DCLRE1A: variants seen among roughly 807,000 people sequenced by gnomAD.
The protein encoded by DCLRE1A is DNA cross-link repair 1A.
A neutral mutation model predicts 91.9 loss-of-function variants in DCLRE1A; 64 were observed. The observed-to-expected ratio is 0.70, with a 90% CI of 0.57 to 0.86. DCLRE1A has a LOEUF of 0.86. Among genes scored for constraint, DCLRE1A ranks in the 40% least tolerant of loss-of-function variants. The pLI is 0.00. For synonymous variants in DCLRE1A, 416 were observed against 431.1 expected, an observed-to-expected ratio of 0.96 and a Z score of 0.43; for missense variants, 1,145 against 1,213.3, an observed-to-expected ratio of 0.94 and a Z score of 0.84.
In DCLRE1A at chr10:113,853,248, CAAACAA is replaced by C. The variant is rs1480456415; in HGVS notation, c.-72_-67del. ...TAAACTGAAAGTCCATTTCTTGTCA[CAAACAA>C]AAAGTTATAGAATTATTTTGCTGAG... is the stretch of plus-strand genomic sequence containing the variant. On this transcript the variant is annotated 5_prime_UTR_variant, in exon 1 of 9. Coordinates refer to ENST00000361384, the MANE Select transcript of DCLRE1A (RefSeq NM_014881.5). 1 of 1,361,630 alleles carries C rather than the reference CAAACAA, an allele frequency of 7.3e-7. No individual in the cohort carries two copies. The highest frequency in any genetic ancestry group is 1.5e-5 in the African/African-American group (1 of 67,990). 84.3% of individuals were successfully genotyped at this position (1,361,630 alleles called of 1,614,324 possible).
chr10:113,848,840 G>T, intron 2 of DCLRE1A, 140 bp downstream of exon 2: 1 of 791,192 alleles, frequency 1.3e-6, no homozygotes, highest in Non-Finnish European at 2.0e-6. Flanking sequence ...CTACGTTAGA[G>T]GCTCATGAAG....
chr10:113,851,677 G>C (rs1408382637), intron 1 of DCLRE1A, among the ~76,000 whole-genome samples: 1 of 151,066 alleles, frequency 6.6e-6, no homozygotes, highest in Non-Finnish European at 1.5e-5. Flanking sequence ...TACATAGCAC[G>C]ATGACTAAAA....
At chr10:113,837,784 A>G (rs1366042987) in intron 7 of DCLRE1A, among the ~76,000 whole-genome samples, 1 of 152,188 alleles carries the variant, frequency 6.6e-6, no homozygotes, top group African/African-American at 2.4e-5. Flanking sequence ...TGCTCCCCTT[A>G]TAAGTCTTGA....
At chr10:113,840,805 C>T (rs1255590314) in intron 7 of DCLRE1A, among the ~76,000 whole-genome samples, 1 of 152,030 alleles carries the variant, frequency 6.6e-6, no homozygotes, top group Non-Finnish European at 1.5e-5. Flanking sequence ...ATTCAATTGC[C>T]AGGTGTCAAA....
intron 8 of DCLRE1A, 129 bp downstream of exon 8, chr10:113,836,933 G>C: frequency 2.5e-6 from 2 of 790,218 alleles, no homozygotes; most frequent in Non-Finnish European, 3.8e-6. Flanking sequence ...GAGTTGTAGA[G>C]AGATGAAAAC....
chr10:113,852,800 G>T lies in DCLRE1A; in HGVS notation c.383C>A (p.Pro128His). Residue 128 changes from proline to histidine, a missense_variant, in exon 1 of 9, where the codon CCT (proline) becomes CAT (histidine). Transcript: ENST00000361384. ...YDGYCPNCQM[P>H]FSSLIGQTPR... ...TGTCTGCCCTATCAATGAGGAAAAAGGCATCTGGCAATTTGGACAGTATCC... is the reference window on the plus strand; with the variant it reads ...TGTCTGCCCTATCAATGAGGAAAAATGCATCTGGCAATTTGGACAGTATCC... 1 of 1,614,156 alleles carries T rather than the reference G, an allele frequency of 6.2e-7. No individual in the cohort carries two copies. The highest frequency in any genetic ancestry group is 8.5e-7 in the Non-Finnish European group (1 of 1,179,994).
intron 1 of DCLRE1A, among the ~76,000 whole-genome samples, chr10:113,852,080 T>TA (rs1212398082): frequency 1.4e-4 from 22 of 152,144 alleles, no homozygotes; most frequent in Non-Finnish European, 2.1e-4. Context: ...TTCATGCCTG[T>TA]AATACCAGCA....
chr10:113,842,956 G>A (rs2134655266), intron 5 of DCLRE1A, among the ~76,000 whole-genome samples: 1 of 151,102 alleles, frequency 6.6e-6, no homozygotes, highest in East Asian at 1.9e-4. Flanking sequence ...TATTGACATG[G>A]TTGATATTAA....
In DCLRE1A at chr10:113,849,969, T is replaced by C. The variant is rs779490528; in HGVS notation, c.1136A>G (p.Asn379Ser). 8.1e-6 allele frequency: 13 copies of C among 1,614,084 alleles called. No homozygotes were observed. Among genetic ancestry groups the C allele is most frequent in the African/African-American group, 5.3e-5 (4 of 74,934 alleles). Residue 379 changes from asparagine to serine, a missense_variant, in exon 2 of 9, where the codon AAT (asparagine) becomes AGT (serine). By Grantham distance (46) the Asn-to-Ser change is conservative. Coordinates refer to ENST00000361384, the MANE Select transcript of DCLRE1A (RefSeq NM_014881.5). The stretch of plus-strand genomic sequence containing the variant: ...AGGTTGAGACAAATCATTTAGACTA[T>C]TGAATCTATACAATCCTTCATCATA... Reference protein sequence around the residue: ...DKYDEGLYRFNSLNDLSQPIS... With the variant: ...DKYDEGLYRFSSLNDLSQPIS...
At position 113,842,480 on chromosome 10, in the gene DCLRE1A, C is replaced by T; in HGVS notation, c.2528G>A (p.Ser843Asn). The T allele has an allele frequency of 1.2e-6, 2 of 1,612,388 alleles. No homozygotes were observed. The highest frequency in any genetic ancestry group is 8.5e-7 in the Non-Finnish European group (1 of 1,178,888). The part of the protein sequence containing the change: ...HMLYLDTTYC[S>N]PEYTFPSQQE... ...CTGAGATGGAAAGGTGTATTCTGGG[C>T]TACAATATCTGTGGTATGGAAACAT... Residue 843 changes from serine (S) to asparagine (N), a missense_variant, in exon 6 of 9, where the codon AGC (serine) becomes AAC (asparagine). Coordinates refer to ENST00000361384, the MANE Select transcript of DCLRE1A (RefSeq NM_014881.5).
rs201907037 is a variant in DCLRE1A at position 113,849,819 on chromosome 10, T to C, written c.1286A>G (p.Lys429Arg). The C allele has an allele frequency of 7.7e-5, 125 of 1,614,030 alleles. No homozygotes were observed. The highest frequency in any genetic ancestry group is 1.0e-4 in the Non-Finnish European group (118 of 1,180,036). ...AASVHQATKA[K>R]PDEPEFHSAQ... ...TGAGTGAAATTCTGGCTCATCAGGT[T>C]TTGCTTTAGTTGCCTGATGAACAGA... is the stretch of plus-strand genomic sequence containing the variant. The change falls in exon 2 of 9, where the codon AAA becomes AGA. Residue 429 changes from lysine (K) to arginine (R), a missense_variant. Physicochemically the swap from Lys to Arg is conservative, Grantham distance 26 (BLOSUM62 2). Transcript: ENST00000361384.
chr10:113,850,762 CA>C, intron 1 of DCLRE1A, 118 bp from the exon 2 acceptor site: 2 of 733,904 alleles, frequency 2.7e-6, no homozygotes, highest in African/African-American at 3.5e-5. Flanking sequence ...TAATAAAAAG[CA>C]ACAATTTTAA....
chr10:113,836,587 AG>A (rs745690918), intron 8 of DCLRE1A, among the ~76,000 whole-genome samples: 14 of 152,202 alleles, frequency 9.2e-5, no homozygotes, highest in Non-Finnish European at 1.6e-4. Context: ...TCAGAGGCTG[AG>A]GGTAAATCAC....
At chr10:113,844,584 T>C (rs1845500891) in intron 4 of DCLRE1A, among the ~76,000 whole-genome samples, 1 of 152,348 alleles carries the variant, frequency 6.6e-6, no homozygotes, top group South Asian at 2.1e-4. Context: ...AACTATGTGA[T>C]ACTAGCTTGA....
chr10:113,849,739 C>T lies in DCLRE1A; in HGVS notation c.1366G>A (p.Val456Ile). The T allele has an allele frequency of 6.2e-7, 1 of 1,614,152 alleles. No individual in the cohort carries two copies. The highest frequency in any genetic ancestry group is 8.5e-7 in the Non-Finnish European group (1 of 1,180,030). ...AAACTCTTAACTAACGGAAGAGAAA[C>T]TTGATTGTAAACAGATGATTCTTCA... ...VIEESSVYNQ[V>I]SLPLVKSLML... The change falls in exon 2 of 9, where the codon GTT becomes ATT. Residue 456 changes from valine (V) to isoleucine (I), a missense_variant. Physicochemically the swap from Val to Ile is conservative, Grantham distance 29 (BLOSUM62 3). Transcript: ENST00000361384.
Position 113,849,193 on chromosome 10 carries a change from ATC to A in DCLRE1A, c.1910_1911del (p.Arg637MetfsTer2), listed in dbSNP as rs1423077560. 3.7e-6 allele frequency: 6 copies of A among 1,613,742 alleles called. No individual in the cohort carries two copies. Among genetic ancestry groups the A allele is most frequent in the Non-Finnish European group, 5.1e-6 (6 of 1,179,898 alleles). On this transcript the variant is annotated frameshift_variant, in exon 2 of 9. Transcript: ENST00000361384. LOFTEE classifies it high-confidence loss of function. ...SSERSQRQKK[R>X]CRKSNSLQEG... ...TCCTGCAGTGAATTTGACTTTCTAC[ATC>A]TCTTTTTTTGACGCTGTGACCTCTC...
At position 113,844,730 on chromosome 10, in the gene DCLRE1A, G is replaced by A. The variant is rs193086289; in HGVS notation, c.2379-486C>T. ...GCGGGTGTATCACCTGAGGTCAGGA[G>A]TTCGAAACCAGCCTGGCCAACATAG... On this transcript the variant is annotated intron_variant, in intron 4 of 8. Transcript: ENST00000361384. Among the ~76,000 whole-genome samples the A allele has an allele frequency of 8.7e-4, 133 of 152,270 alleles. 1 individual carries two copies. The highest frequency in any genetic ancestry group is 3.0e-3 in the African/African-American group (124 of 41,550).
At chr10:113,836,647 A>C (rs1455747005) in intron 8 of DCLRE1A, among the ~76,000 whole-genome samples, 1 of 152,136 alleles carries the variant, frequency 6.6e-6, no homozygotes, top group African/African-American at 2.4e-5. Flanking sequence ...CACTGCAATA[A>C]GCCAACTCAG....
In DCLRE1A at chr10:113,841,391, C is replaced by G; in HGVS notation, c.2820+15G>C. On this transcript the variant is annotated intron_variant, in intron 7 of 8. Coordinates refer to ENST00000361384, the MANE Select transcript of DCLRE1A (RefSeq NM_014881.5). ...TTTTTGTTCATCCTAAAAGACATAT[C>G]TCTTGAATGCTTACCTTAAAATTAA... 1 of 1,608,534 alleles carries G rather than the reference C, an allele frequency of 6.2e-7. No individual in the cohort carries two copies.
Sources: allele counts gnomAD v4.1 joint callset (sites outside exome capture counted in the v4.1 genomes callset), GRCh38; gene constraint gnomAD v4.1.1; transcripts MANE v1.5; gene names NCBI Gene and HGNC (gene_info 2026-07-23, HGNC 2026-07-21).